STXBP5: variants seen among roughly 807,000 people sequenced by gnomAD.
The protein encoded by STXBP5 is syntaxin-binding protein 5.
Under a neutral mutation model 152.4 loss-of-function variants are expected in STXBP5, and 50 were observed. That is an observed-to-expected ratio of 0.33 (90% CI 0.26 to 0.42). STXBP5 has a LOEUF of 0.42. STXBP5 is among the 10% of genes least tolerant of loss of function. The probability of loss-of-function intolerance (pLI) is 1.00; values close to 1 mark genes in which losing one functional copy is unlikely to be tolerated. For synonymous variants in STXBP5, 492 were observed against 494.7 expected, an observed-to-expected ratio of 0.99 and a Z score of 0.07; for missense variants, 1,167 against 1,388.6, an observed-to-expected ratio of 0.84 and a Z score of 2.54.
At position 147,389,673 on chromosome 6, in the gene STXBP5, G is replaced by T. The variant is rs1272897654; in HGVS notation, c.*4918G>T. Reference sequence around the variant, plus strand: ...ATGGCAATGGAATCCTATTTATTTGGTAGTTGGTTTTGTTTGTTTTTGTTT... The same window carrying T: ...ATGGCAATGGAATCCTATTTATTTGTTAGTTGGTTTTGTTTGTTTTTGTTT... On this transcript the variant is annotated 3_prime_UTR_variant, in exon 28 of 28. Transcript: ENST00000321680. 6.6e-6 allele frequency: 1 copy of T among 151,812 alleles called. No individual in the cohort carries two copies. The highest frequency in any genetic ancestry group is 1.5e-5 in the Non-Finnish European group (1 of 67,834). 9.4% of individuals were successfully genotyped at this position (151,812 alleles called of 1,614,324 possible). A position where few individuals can be genotyped will look rare whatever the true frequency, so the allele number is the denominator to read the frequency against.
chr6:147,289,646 AT>A (rs1482809521), intron 8 of STXBP5, among the ~76,000 whole-genome samples: 3 of 152,134 alleles, frequency 2.0e-5, no homozygotes, highest in African/African-American at 7.2e-5. Flanking sequence ...ACAGCAAGCT[AT>A]TTTTTAAAAG....
At chr6:147,282,609 T>C (rs1228666389) in intron 8 of STXBP5, among the ~76,000 whole-genome samples, 2 of 152,218 alleles carry the variant, frequency 1.3e-5, no homozygotes, top group Non-Finnish European at 2.9e-5. Flanking sequence ...ATTCTGCATC[T>C]CTGTATGGTA....
intron 4 of STXBP5, among the ~76,000 whole-genome samples, chr6:147,258,655 G>A (rs372816990): frequency 1.3e-5 from 2 of 152,060 alleles, no homozygotes; most frequent in Admixed American, 6.5e-5. Flanking sequence ...GGATGGTCTC[G>A]ATCTCCTGAC....
In STXBP5 at chr6:147,315,410, A is replaced by G. The variant is rs1782592612; in HGVS notation, c.1403-105A>G. The G allele has an allele frequency of 5.9e-6, 4 of 676,090 alleles. No individual in the cohort carries two copies. In the Admixed American group the frequency reaches 1.2e-4, roughly 21 times the overall value. 41.9% of individuals were successfully genotyped at this position (676,090 alleles called of 1,614,324 possible). On this transcript the variant is annotated intron_variant, in intron 14 of 27. Transcript: ENST00000321680. ...AAATTGAGAAATGAAAATATGATGT[A>G]GTTAAATATGGACCATTTTCTATAC... is the stretch of plus-strand genomic sequence containing the variant.
Position 147,363,629 on chromosome 6 carries a change from G to T in STXBP5, c.2840G>T (p.Arg947Leu). The change falls in exon 24 of 28, where the codon CGT (arginine) becomes CTT (leucine). Residue 947 changes from arginine (R) to leucine (L), a missense_variant. Coordinates refer to ENST00000321680, the MANE Select transcript of STXBP5 (RefSeq NM_001127715.4). ...QNITETSFVL[R>L]GDIVALSNSI... ...ATTACAGAGACCTCGTTTGTGCTTC[G>T]TGGAGATATTGTAGCATTGAGTAAC... 1.9e-6 allele frequency: 3 copies of T among 1,614,116 alleles called. No homozygotes were observed. The highest frequency in any genetic ancestry group is 2.5e-6 in the Non-Finnish European group (3 of 1,180,018).
intron 6 of STXBP5, among the ~76,000 whole-genome samples, chr6:147,263,251 T>C (rs1013236488): frequency 1.3e-5 from 2 of 151,964 alleles, no homozygotes; most frequent in Non-Finnish European, 2.9e-5. Flanking sequence ...GGAGGCATGG[T>C]AGGAGAGTTC....
chr6:147,218,773 G>A (rs569734200), intron 2 of STXBP5, among the ~76,000 whole-genome samples: 4 of 152,338 alleles, frequency 2.6e-5, no homozygotes, highest in East Asian at 1.9e-4. Flanking sequence ...GTGCCTGGGT[G>A]TGAATGAGTT....
chr6:147,346,951 T>C (rs1388323135), intron 21 of STXBP5, among the ~76,000 whole-genome samples: 1 of 152,162 alleles, frequency 6.6e-6, no homozygotes, highest in African/African-American at 2.4e-5. Flanking sequence ...TGCTCAGCTT[T>C]CTGCGACAGA....
In STXBP5 at chr6:147,353,335, G is replaced by A; in HGVS notation, c.2267G>A (p.Arg756Lys). 6.3e-7 allele frequency: 1 copy of A among 1,577,846 alleles called. No homozygotes were observed. The highest frequency in any genetic ancestry group is 8.6e-7 in the Non-Finnish European group (1 of 1,161,016). Residue 756 changes from arginine to lysine, a missense_variant, in exon 22 of 28, where the codon AGG becomes AAG. Arg to Lys is a conservative substitution (Grantham distance 26, BLOSUM62 2). Around this residue, in one of 3 missense-constraint regions of STXBP5, gnomAD observed 833 missense variants for 986.3 expected, o/e 0.84. Transcript: ENST00000321680. ...TTTTATTTTTCAGCAAAGATGTCAA[G>A]GAAGTTAAGCTTACCTACTGACCTA... ...MVANDIAKMS[R>K]KLSLPTDLKP...
chr6:147,232,145 T>C (rs1562425319), intron 2 of STXBP5, among the ~76,000 whole-genome samples: 1 of 151,852 alleles, frequency 6.6e-6, no homozygotes, highest in Non-Finnish European at 1.5e-5. Context: ...GTAGTAATTC[T>C]CTCCAGATCA....
chr6:147,297,638 G>A (rs896665050), intron 9 of STXBP5, among the ~76,000 whole-genome samples: 1 of 152,042 alleles, frequency 6.6e-6, no homozygotes, highest in African/African-American at 2.4e-5. Flanking sequence ...AATAACTACA[G>A]CCACAAGTAG....
intron 25 of STXBP5, among the ~76,000 whole-genome samples, chr6:147,370,726 C>A (rs987277881): frequency 6.6e-6 from 1 of 151,822 alleles, no homozygotes; most frequent in Non-Finnish European, 1.5e-5. Flanking sequence ...TAAACAAAAC[C>A]CCAAGTAATC....
chr6:147,313,972 C>G lies in STXBP5; in HGVS notation c.1234C>G (p.Leu412Val), dbSNP rs144099092. ...CEYFADCPVD[L>V]IPALYSVGAR... is the part of the protein sequence containing the mutation. ...ATATTTTGCGGATTGTCCTGTGGAC[C>G]TTATTCCTGCACTTTATTCTGTTGG... The change falls in exon 12 of 28, where the codon CTT becomes GTT. Residue 412 changes from leucine to valine, a missense_variant. Coordinates refer to ENST00000321680, the MANE Select transcript of STXBP5 (RefSeq NM_001127715.4). 3.1e-3 allele frequency: 4,918 copies of G among 1,603,784 alleles called. 15 individuals carry two copies. Among genetic ancestry groups the G allele is most frequent in the Non-Finnish European group, 3.6e-3 (4,231 of 1,173,250 alleles).
chr6:147,258,418 A>C (rs1238852169), intron 4 of STXBP5, among the ~76,000 whole-genome samples: 1 of 151,996 alleles, frequency 6.6e-6, no homozygotes, highest in Non-Finnish European at 1.5e-5. Flanking sequence ...CACGCATAAC[A>C]CATAGTTTTT....
intron 16 of STXBP5, among the ~76,000 whole-genome samples, chr6:147,319,814 T>C (rs898693395): frequency 3.3e-5 from 5 of 150,646 alleles, no homozygotes; most frequent in African/African-American, 1.2e-4. Context: ...TACTTCTCTT[T>C]ACCTATCTGG....
Position 147,239,686 on chromosome 6 carries a change from A to G in STXBP5, c.431+416A>G, listed in dbSNP as rs746248630. Among the ~76,000 whole-genome samples the G allele has an allele frequency of 5.1e-4, 77 of 152,322 alleles. 1 individual carries two copies. The highest frequency in any genetic ancestry group is 9.6e-4 in the East Asian group (5 of 5,188). The stretch of plus-strand genomic sequence containing the variant: ...TAATATTCTGTTCTATATAAGTGCC[A>G]TAATTTATTCAGCCATTCCTCATCA... On this transcript the variant is annotated intron_variant, in intron 4 of 27. Coordinates refer to ENST00000321680, the MANE Select transcript of STXBP5 (RefSeq NM_001127715.4).
At chr6:147,212,440 G>C (rs1342542598) in intron 2 of STXBP5, among the ~76,000 whole-genome samples, 1 of 152,188 alleles carries the variant, frequency 6.6e-6, no homozygotes, top group African/African-American at 2.4e-5. Flanking sequence ...GGAGATTCTT[G>C]TTCCAATAAT....
intron 3 of STXBP5, among the ~76,000 whole-genome samples, chr6:147,236,897 A>G (rs519630): frequency 0.49 from 73,697 of 151,134 alleles, 18,072 homozygotes; most frequent in East Asian, 0.57. Context: ...TTCCACTTCA[A>G]CCTCCTGAGT....
chr6:147,358,677 A>G (rs1284577651), intron 22 of STXBP5, among the ~76,000 whole-genome samples: 3 of 152,200 alleles, frequency 2.0e-5, no homozygotes, highest in Non-Finnish European at 4.4e-5. Flanking sequence ...CATATTTTGT[A>G]TGTTAGATGT....
Sources: allele counts gnomAD v4.1 joint callset (sites outside exome capture counted in the v4.1 genomes callset), GRCh38; gene constraint gnomAD v4.1.1; regional missense constraint gnomAD v4.1.1; transcripts MANE v1.5; gene names NCBI Gene and HGNC (gene_info 2026-07-23, HGNC 2026-07-21).